ST8SIA6: variants seen among roughly 807,000 people sequenced by gnomAD.
ST8SIA6 encodes ST8 alpha-N-acetyl-neuraminide alpha-2,8-sialyltransferase 6.
In ST8SIA6, 39 loss-of-function variants were observed where a neutral mutation model predicts 33.6. That is an observed-to-expected ratio of 1.16 (90% CI 0.90 to 1.52). The LOEUF is 1.52. Among genes scored for constraint, ST8SIA6 ranks in the 40% most tolerant of loss-of-function variants. ST8SIA6 has a pLI of 0.00. For missense variants in ST8SIA6, 441 were observed against 443.8 expected, an observed-to-expected ratio of 0.99 and a Z score of 0.06; for synonymous variants, 172 against 167.2, an observed-to-expected ratio of 1.03 and a Z score of -0.22.
At chr10:17,389,922 A>G (rs1850524592) in intron 3 of ST8SIA6, among the ~76,000 whole-genome samples, 1 of 152,124 alleles carries the variant, frequency 6.6e-6, no homozygotes, top group Non-Finnish European at 1.5e-5. Context: ...CCTGGGCTCA[A>G]GCAATTCTCC....
In ST8SIA6 at chr10:17,374,764, T is replaced by TATATACAC. The variant is rs1441288579; in HGVS notation, c.291-15165_291-15164insGTGTATAT. ...TAAATAAATAATAAATATATATATA[T>TATATACAC]ATATTTAGCTCAACTGCCCTCCCAA... On this transcript the variant is annotated intron_variant, in intron 3 of 7. Coordinates refer to ENST00000377602, the MANE Select transcript of ST8SIA6 (RefSeq NM_001004470.3). Among the ~76,000 whole-genome samples, 8 of 126,856 alleles carry TATATACAC rather than the reference T, an allele frequency of 6.3e-5. 1 individual carries two copies. The East Asian group carries it at 1.6e-3, about 25-fold the overall frequency. The allele number at this position is 126,856 out of a possible 152,430, so 83.2% of individuals were successfully genotyped here.
chr10:17,406,928 G>A (rs1033615461), intron 2 of ST8SIA6, among the ~76,000 whole-genome samples: 1 of 151,652 alleles, frequency 6.6e-6, no homozygotes. Context: ...CCAAGTAGCT[G>A]GGATTACAGG....
At chr10:17,433,188 G>A (rs1316779081) in intron 2 of ST8SIA6, among the ~76,000 whole-genome samples, 1 of 151,856 alleles carries the variant, frequency 6.6e-6, no homozygotes, top group Non-Finnish European at 1.5e-5. Flanking sequence ...TTTAAATCTG[G>A]GGGAAAAAAA....
At chr10:17,447,388 G>A (rs1055208215) in intron 2 of ST8SIA6, among the ~76,000 whole-genome samples, 2 of 151,640 alleles carry the variant, frequency 1.3e-5, no homozygotes, top group East Asian at 1.9e-4. Flanking sequence ...CCTGGGCAAC[G>A]AGAGCAAAAT....
At chr10:17,419,619 A>C (rs1427672709) in intron 2 of ST8SIA6, among the ~76,000 whole-genome samples, 2 of 152,234 alleles carry the variant, frequency 1.3e-5, no homozygotes, top group African/African-American at 2.4e-5. Context: ...AGATGTTTCC[A>C]ATATGAAGAT....
At chr10:17,368,516 C>G (rs1290991091) in intron 3 of ST8SIA6, among the ~76,000 whole-genome samples, 1 of 149,654 alleles carries the variant, frequency 6.7e-6, no homozygotes, top group Non-Finnish European at 1.5e-5. Context: ...TGTTAAAGTG[C>G]TAGGTACTTC....
chr10:17,414,231 T>C (rs1851538328), intron 2 of ST8SIA6, among the ~76,000 whole-genome samples: 1 of 152,244 alleles, frequency 6.6e-6, no homozygotes, highest in Admixed American at 6.5e-5. Context: ...CTGAATGATT[T>C]CACTCTAAGT....
Position 17,399,917 on chromosome 10 carries a change from CAA to C in ST8SIA6, c.201-9299_201-9298del, listed in dbSNP as rs61580333. 1.3e-3 allele frequency among the ~76,000 whole-genome samples: 146 copies of C among 111,032 alleles called. No individual in the cohort carries two copies. The Middle Eastern group carries it at 0.022, about 17-fold the overall frequency. The allele number at this position is 111,032 out of a possible 152,430, so 72.8% of individuals were successfully genotyped here. ...TGGATGACTGAGGGAGATTCTGTCT[CAA>C]AAAAAAAAAAAAAAAGTAAAATTGT... On this transcript the variant is annotated intron_variant, in intron 2 of 7. Coordinates refer to ENST00000377602, the MANE Select transcript of ST8SIA6 (RefSeq NM_001004470.3).
Position 17,447,478 on chromosome 10 carries a change from A to AT in ST8SIA6, c.200+6080_200+6081insA, listed in dbSNP as rs1313639989. On this transcript the variant is annotated intron_variant, in intron 2 of 7. Coordinates refer to ENST00000377602, the MANE Select transcript of ST8SIA6 (RefSeq NM_001004470.3). ...GCTTTCATGAACTACCAAAAAAAAA[A>AT]GTGCCCTCAAATATCTAAAGTTTCA... Among the ~76,000 whole-genome samples the AT allele has an allele frequency of 3.3e-5, 5 of 152,070 alleles. No homozygotes were observed. The South Asian group carries it at 1.0e-3, about 31-fold the overall frequency.
At chr10:17,432,393 G>C (rs1852128227) in intron 2 of ST8SIA6, among the ~76,000 whole-genome samples, 4 of 152,224 alleles carry the variant, frequency 2.6e-5, no homozygotes, top group African/African-American at 9.6e-5. Context: ...AATCCGGGCA[G>C]ACAGGAGGAG....
chr10:17,438,812 T>G (rs1393033691), intron 2 of ST8SIA6, among the ~76,000 whole-genome samples: 1 of 152,208 alleles, frequency 6.6e-6, no homozygotes, highest in African/African-American at 2.4e-5. Context: ...AGACACTTCC[T>G]CTGTACTAAA....
intron 2 of ST8SIA6, among the ~76,000 whole-genome samples, chr10:17,426,679 G>A (rs1851949410): frequency 6.6e-6 from 1 of 152,204 alleles, no homozygotes; most frequent in African/African-American, 2.4e-5. Context: ...GGGGCTACGG[G>A]CTGAGCCTGG....
intron 4 of ST8SIA6, among the ~76,000 whole-genome samples, chr10:17,332,592 G>A (rs770382052): frequency 1.3e-5 from 2 of 152,122 alleles, no homozygotes; most frequent in African/African-American, 2.4e-5. Context: ...AGCCTCCTGA[G>A]TAGCTGGGAT....
chr10:17,393,886 G>A (rs148319529), intron 2 of ST8SIA6, among the ~76,000 whole-genome samples: 17 of 152,232 alleles, frequency 1.1e-4, no homozygotes, highest in African/African-American at 2.2e-4. Flanking sequence ...TATCTCCCCC[G>A]CCACTTCCTT....
chr10:17,331,732 C>G (rs1454791978), intron 4 of ST8SIA6, among the ~76,000 whole-genome samples, 180 bp from the exon 5 acceptor site: 1 of 151,298 alleles, frequency 6.6e-6, no homozygotes, highest in Admixed American at 6.6e-5. Context: ...AGGACTGGGA[C>G]TGACTCTCTT....
chr10:17,319,172 G>T lies in ST8SIA6; in HGVS notation c.*1706C>A, dbSNP rs972197971. On this transcript the variant is annotated 3_prime_UTR_variant, in exon 8 of 8. Coordinates refer to ENST00000377602, the MANE Select transcript of ST8SIA6 (RefSeq NM_001004470.3). ...CTAAATATGACAGATTATGGATATC[G>T]ATAATACACCACATCAGCTATGTAA... Among the ~76,000 whole-genome samples the T allele has an allele frequency of 6.6e-6, 1 of 152,126 alleles. No individual in the cohort carries two copies. Among genetic ancestry groups the T allele is most frequent in the Non-Finnish European group, 1.5e-5 (1 of 68,002 alleles).
At chr10:17,333,717 A>ATATATAGATATATATATATATTTTTT (rs1251981910) in intron 4 of ST8SIA6, among the ~76,000 whole-genome samples, 15 of 33,772 alleles carry the variant, frequency 4.4e-4, no homozygotes, top group African/African-American at 2.3e-3. Flanking sequence ...ATATATATAT[A>ATATATAGATATATATATATATTTTTT]TTTTTTTTTT....
At chr10:17,374,747 T>C (rs868676474) in intron 3 of ST8SIA6, among the ~76,000 whole-genome samples, 1 of 89,788 alleles carries the variant, frequency 1.1e-5, no homozygotes, top group Non-Finnish European at 2.5e-5. Context: ...AATAAATAAA[T>C]AATAAATATA....
intron 3 of ST8SIA6, among the ~76,000 whole-genome samples, chr10:17,389,985 C>T (rs1850526751): frequency 6.6e-6 from 1 of 151,996 alleles, no homozygotes; most frequent in African/African-American, 2.4e-5. Context: ...CCACATTCAG[C>T]TAATTTTAAA....
Sources: allele counts gnomAD v4.1 joint callset (sites outside exome capture counted in the v4.1 genomes callset), GRCh38; gene constraint gnomAD v4.1.1; transcripts MANE v1.5; gene names NCBI Gene and HGNC (gene_info 2026-07-23, HGNC 2026-07-21).